SYT1: variants seen among roughly 807,000 people sequenced by gnomAD.
SYT1 encodes the protein synaptotagmin 1.
In SYT1, 8 loss-of-function variants were observed where a neutral mutation model predicts 44.8. The ratio of observed to expected loss-of-function variants is 0.18; its 90% CI spans 0.10 to 0.32. SYT1 has a LOEUF of 0.32. SYT1 is among the 10% of genes least tolerant of loss of function. The pLI, the probability that SYT1 is intolerant of heterozygous loss-of-function variation, is 1.00. For synonymous variants in SYT1, 154 were observed against 188.8 expected (o/e 0.82, Z 1.51); for missense variants, 286 against 509.3 (o/e 0.56, Z 4.22).
intron 8 of SYT1, among the ~76,000 whole-genome samples, chr12:79,352,569 C>T (rs1882955392): frequency 6.6e-6 from 1 of 152,152 alleles, no homozygotes; most frequent in South Asian, 2.1e-4. Context: ...TGCACTCTCT[C>T]TATCTCTATC....
At chr12:79,338,796 T>A (rs1475283230) in intron 8 of SYT1, among the ~76,000 whole-genome samples, 1 of 151,848 alleles carries the variant, frequency 6.6e-6, no homozygotes, top group African/African-American at 2.4e-5. Flanking sequence ...CATTAGGTAT[T>A]TCTCCTAATA....
At chr12:79,210,933 G>GT (rs573715825) in intron 3 of SYT1, among the ~76,000 whole-genome samples, 1,933 of 135,082 alleles carry the variant, frequency 0.014, 12 homozygotes, top group Middle Eastern at 0.061. Context: ...ACATTTTAAA[G>GT]TTTTTTTTTT....
chr12:79,445,383 A>T (rs1156575093), intron 10 of SYT1, among the ~76,000 whole-genome samples: 2 of 152,042 alleles, frequency 1.3e-5, no homozygotes, highest in Non-Finnish European at 2.9e-5. Flanking sequence ...GCCATCCTGT[A>T]GTGGTACAGA....
At chr12:79,287,430 G>A (rs748613419) in intron 5 of SYT1, among the ~76,000 whole-genome samples, 34 of 152,064 alleles carry the variant, frequency 2.2e-4, no homozygotes, top group Non-Finnish European at 2.4e-4. Flanking sequence ...TTCATAGCAA[G>A]CAGGACTTGA....
chr12:79,050,114 A>G (rs1331394920), intron 3 of SYT1, among the ~76,000 whole-genome samples: 2 of 152,054 alleles, frequency 1.3e-5, no homozygotes, highest in Non-Finnish European at 2.9e-5. Context: ...GATGTTATCA[A>G]TAACATAAAT....
chr12:79,433,876 A>G (rs534275281), intron 9 of SYT1, among the ~76,000 whole-genome samples: 1 of 152,266 alleles, frequency 6.6e-6, no homozygotes, highest in African/African-American at 2.4e-5. Context: ...TGGTGCTCCA[A>G]CCCTCACACT....
intron 3 of SYT1, among the ~76,000 whole-genome samples, chr12:79,127,674 G>T (rs964412419): frequency 6.6e-6 from 1 of 152,206 alleles, no homozygotes; most frequent in Admixed American, 6.5e-5. Flanking sequence ...TTGTTTTCAT[G>T]TGCTGCCAAC....
intron 9 of SYT1, among the ~76,000 whole-genome samples, chr12:79,415,879 G>T (rs193250990): frequency 2.8e-4 from 42 of 152,272 alleles, no homozygotes; most frequent in Admixed American, 2.7e-3. Context: ...TGCGGCCACA[G>T]AACTAGTTCT....
chr12:79,310,321 A>G (rs1229403919), intron 8 of SYT1, among the ~76,000 whole-genome samples: 2 of 152,088 alleles, frequency 1.3e-5, no homozygotes, highest in Non-Finnish European at 2.9e-5. Flanking sequence ...AAGATCAGAT[A>G]GTTGTAGATA....
At chr12:79,215,649 T>G (rs1292075594) in intron 3 of SYT1, among the ~76,000 whole-genome samples, 1 of 152,032 alleles carries the variant, frequency 6.6e-6, no homozygotes, top group Non-Finnish European at 1.5e-5. Flanking sequence ...TGAGCTATGA[T>G]CTCGCCACTG....
At position 79,342,019 on chromosome 12, in the gene SYT1, G is replaced by A. The variant is rs191775412; in HGVS notation, c.811-11483G>A. On this transcript the variant is annotated intron_variant, in intron 8 of 10. Coordinates refer to ENST00000261205, the MANE Select transcript of SYT1 (RefSeq NM_005639.3). ...AAGCAAAAGGAACTGTTTATGTGAA[G>A]CCTCTGAAAGTGTAGGTGGCGTGGC... is the stretch of plus-strand genomic sequence containing the variant. 9.2e-5 allele frequency among the ~76,000 whole-genome samples: 14 copies of A among 152,234 alleles called. No individual in the cohort carries two copies. In the East Asian group the frequency reaches 2.3e-3, roughly 25 times the overall value.
intron 9 of SYT1, among the ~76,000 whole-genome samples, chr12:79,428,181 G>T (rs1869560175): frequency 6.6e-6 from 1 of 152,100 alleles, no homozygotes; most frequent in Non-Finnish European, 1.5e-5. Context: ...TACAGTGCCT[G>T]GTCAAAGCCT....
chr12:79,295,369 G>GA (rs1197567441), intron 6 of SYT1, among the ~76,000 whole-genome samples: 3 of 151,908 alleles, frequency 2.0e-5, no homozygotes, highest in Admixed American at 6.6e-5. Flanking sequence ...GTGGTGTTTG[G>GA]AAAAAATAAA....
At chr12:79,285,691 C>CA in intron 4 of SYT1, 96 bp from the exon 5 acceptor site, 1 of 948,382 alleles carries the variant, frequency 1.1e-6, no homozygotes, top group East Asian at 2.6e-5. Flanking sequence ...CTCAAAAATG[C>CA]AAATGAAAAA....
chr12:79,380,783 C>T (rs182797063), intron 9 of SYT1, among the ~76,000 whole-genome samples: 124 of 152,266 alleles, frequency 8.1e-4, no homozygotes, highest in African/African-American at 2.7e-3. Context: ...AAAATGTCCT[C>T]CTCCCCTCAA....
At chr12:79,160,885 G>A (rs1453721313) in intron 3 of SYT1, among the ~76,000 whole-genome samples, 2 of 152,074 alleles carry the variant, frequency 1.3e-5, no homozygotes, top group Non-Finnish European at 2.9e-5. Flanking sequence ...GTCATGTGGT[G>A]CATAATGACC....
intron 8 of SYT1, among the ~76,000 whole-genome samples, chr12:79,307,780 T>C (rs1880486100): frequency 6.6e-6 from 1 of 152,216 alleles, no homozygotes; most frequent in Non-Finnish European, 1.5e-5. Context: ...CATGTATGAC[T>C]TGCATGATCT....
chr12:79,053,308 G>T (rs2137802886), intron 3 of SYT1, among the ~76,000 whole-genome samples: 1 of 152,200 alleles, frequency 6.6e-6, no homozygotes, highest in East Asian at 1.9e-4. Context: ...ATTGAACAAT[G>T]AGAACACATG....
chr12:79,051,673 A>C (rs12820937), intron 3 of SYT1, among the ~76,000 whole-genome samples: 1,827 of 152,142 alleles, frequency 0.012, 16 homozygotes, highest in Non-Finnish European at 0.019. Flanking sequence ...CCCTTTTCTC[A>C]TCTGGGTAAT....
Sources: allele counts gnomAD v4.1 joint callset (sites outside exome capture counted in the v4.1 genomes callset), GRCh38; gene constraint gnomAD v4.1.1; transcripts MANE v1.5; gene names NCBI Gene and HGNC (gene_info 2026-07-23, HGNC 2026-07-21).